MYLK4: variants seen among roughly 807,000 people sequenced by gnomAD.
MYLK4 encodes myosin light chain kinase family member 4.
MYLK4 carries 46 observed loss-of-function variants against 48.1 expected under a neutral mutation model. The observed-to-expected ratio is 0.96, with a 90% CI of 0.75 to 1.22. MYLK4 has a LOEUF of 1.22. MYLK4 is among the 50% of genes most tolerant of loss of function. The pLI, the probability that MYLK4 is intolerant of heterozygous loss-of-function variation, is 0.00. For missense variants in MYLK4, 451 were observed against 486.1 expected, an observed-to-expected ratio of 0.93 and a Z score of 0.68; for synonymous variants, 170 against 180.8, an observed-to-expected ratio of 0.94 and a Z score of 0.48.
At chr6:2,744,230 A>G in intron 2 of MYLK4, 1 of 386,054 alleles carries the variant, frequency 2.6e-6, no homozygotes, top group Non-Finnish European at 4.6e-6. Context: ...CTGCCTCTTT[A>G]AAAGGAAAAA....
chr6:2,696,581 C>T (rs982157297), intron 2 of MYLK4, among the ~76,000 whole-genome samples: 7 of 152,220 alleles, frequency 4.6e-5, no homozygotes, highest in Admixed American at 1.3e-4. Flanking sequence ...TGGGACTTCT[C>T]AGCCCCCAGA....
At chr6:2,763,826 C>T in the MYLK4 span, among the ~76,000 whole-genome samples, 15 of 151,014 alleles carry the variant, frequency 9.9e-5, no homozygotes, top group East Asian at 2.1e-3. Context: ...ATGCTGTCAC[C>T]TCTCACTGCT....
At chr6:2,683,616 A>G (rs1177311496) in intron 6 of MYLK4, among the ~76,000 whole-genome samples, 3 of 152,002 alleles carry the variant, frequency 2.0e-5, no homozygotes, top group Non-Finnish European at 4.4e-5. Flanking sequence ...GATGGGTTTC[A>G]CTGTGTTGGC....
At chr6:2,717,161 T>G (rs1274402272) in intron 2 of MYLK4, among the ~76,000 whole-genome samples, 1 of 152,166 alleles carries the variant, frequency 6.6e-6, no homozygotes, top group Non-Finnish European at 1.5e-5. Flanking sequence ...AGGAACGTCT[T>G]GAGGAAATGA....
chr6:2,666,256 T>C lies in MYLK4; in HGVS notation c.*1669A>G, dbSNP rs2113060203. On this transcript the variant is annotated 3_prime_UTR_variant, in exon 13 of 13. Coordinates refer to ENST00000274643, the MANE Select transcript of MYLK4 (RefSeq NM_001012418.5). ...ATAATGGGGGAAAGCTGATGCAAAGTGAAACTGCCATCCCTCATGAGGCCA... is the reference window on the plus strand; with the variant it reads ...ATAATGGGGGAAAGCTGATGCAAAGCGAAACTGCCATCCCTCATGAGGCCA... 1 of 152,294 alleles carries C rather than the reference T, an allele frequency of 6.6e-6. No homozygotes were observed. Among genetic ancestry groups the C allele is most frequent in the Middle Eastern group, 3.4e-3 (1 of 294 alleles). 9.4% of individuals were successfully genotyped at this position (152,294 alleles called of 1,614,324 possible). A position where few individuals can be genotyped will look rare whatever the true frequency, so the allele number is the denominator to read the frequency against.
intron 2 of MYLK4, among the ~76,000 whole-genome samples, chr6:2,732,101 G>A (rs961374603): frequency 5.3e-5 from 8 of 152,230 alleles, no homozygotes; most frequent in African/African-American, 9.6e-5. Context: ...CCTCTAAGAC[G>A]TATGCTGGCC....
At chr6:2,692,395 T>C (rs1761835418) in intron 3 of MYLK4, among the ~76,000 whole-genome samples, 1 of 152,188 alleles carries the variant, frequency 6.6e-6, no homozygotes, top group South Asian at 2.1e-4. Flanking sequence ...CTTTTCTTTC[T>C]CAGAGGAGAG....
At chr6:2,730,955 C>T (rs1763457687) in intron 2 of MYLK4, among the ~76,000 whole-genome samples, 1 of 151,996 alleles carries the variant, frequency 6.6e-6, no homozygotes, top group African/African-American at 2.4e-5. Context: ...TGGTTGTGGT[C>T]CAAAAATATC....
At chr6:2,670,635 A>G (rs1055418157) in intron 12 of MYLK4, among the ~76,000 whole-genome samples, 7 of 152,166 alleles carry the variant, frequency 4.6e-5, no homozygotes, top group East Asian at 3.9e-4. Context: ...GAAGGTATTC[A>G]TGTGTAAACC....
At chr6:2,714,014 G>A (rs921560709) in intron 2 of MYLK4, among the ~76,000 whole-genome samples, 1 of 152,216 alleles carries the variant, frequency 6.6e-6, no homozygotes, top group African/African-American at 2.4e-5. Context: ...TGGCAAGGAT[G>A]TGGAAAAATG....
chr6:2,704,213 T>G (rs1320367246), intron 2 of MYLK4, among the ~76,000 whole-genome samples: 1 of 152,192 alleles, frequency 6.6e-6, no homozygotes, highest in Non-Finnish European at 1.5e-5. Flanking sequence ...ACTGATCATC[T>G]CAACCACCTG....
At chr6:2,764,809 T>A in the MYLK4 span, among the ~76,000 whole-genome samples, 4 of 152,144 alleles carry the variant, frequency 2.6e-5, no homozygotes, top group Non-Finnish European at 5.9e-5. Context: ...CCAACACATC[T>A]AAAAGGGGGC....
Position 2,685,618 on chromosome 6 carries a change from C to T in MYLK4, c.342-42G>A, listed in dbSNP as rs1761506517. On this transcript the variant is annotated intron_variant, in intron 4 of 12. Coordinates refer to ENST00000274643, the MANE Select transcript of MYLK4 (RefSeq NM_001012418.5). The surrounding 1 kb of genome is among the most constrained non-coding windows in gnomAD (Gnocchi z 4.5). ...GCGGCGTAGCATGAGGCCCTGTGGTCAGCTGCCGAGTGGACAGCGCACAGT... is the reference window on the plus strand; with the variant it reads ...GCGGCGTAGCATGAGGCCCTGTGGTTAGCTGCCGAGTGGACAGCGCACAGT... The T allele has an allele frequency of 3.8e-6, 6 of 1,593,290 alleles. No individual in the cohort carries two copies. The highest frequency in any genetic ancestry group is 3.3e-4 in the Middle Eastern group (2 of 5,984).
At chr6:2,717,387 C>A (rs1762906027) in intron 2 of MYLK4, among the ~76,000 whole-genome samples, 2 of 152,218 alleles carry the variant, frequency 1.3e-5, no homozygotes, top group African/African-American at 4.8e-5. Flanking sequence ...CCAGAGCAGA[C>A]ATGCAGAATG....
the MYLK4 span, chr6:2,765,411 C>A: frequency 1.8e-5 from 8 of 448,388 alleles, no homozygotes; most frequent in African/African-American, 1.5e-4. Flanking sequence ...CGACACGCCG[C>A]GTGAGGCGCT....
chr6:2,720,143 G>A (rs56005084), intron 2 of MYLK4, among the ~76,000 whole-genome samples: 3,101 of 150,596 alleles, frequency 0.021, 88 homozygotes, highest in African/African-American at 0.072. Context: ...GGTGGCTCAC[G>A]CCTATAATCC....
Position 2,685,720 on chromosome 6 carries a change from T to C in MYLK4, c.342-144A>G. ...CTTTCAGTAAACTTCTAGAGCAGTA[T>C]TTGTCAACATGTGGTGTGTGGATCA... On this transcript the variant is annotated intron_variant, in intron 4 of 12. Coordinates refer to ENST00000274643, the MANE Select transcript of MYLK4 (RefSeq NM_001012418.5). The surrounding 1 kb of genome is among the most constrained non-coding windows in gnomAD (Gnocchi z 4.5). 1 of 666,288 alleles carries C rather than the reference T, an allele frequency of 1.5e-6. No individual in the cohort carries two copies. Among genetic ancestry groups the C allele is most frequent in the Non-Finnish European group, 2.6e-6 (1 of 387,210 alleles). 41.3% of individuals were successfully genotyped at this position (666,288 alleles called of 1,614,324 possible). A position where few individuals can be genotyped will look rare whatever the true frequency, so the allele number is the denominator to read the frequency against.
intron 2 of MYLK4, among the ~76,000 whole-genome samples, chr6:2,696,668 C>T (rs1222417466): frequency 1.3e-5 from 2 of 152,228 alleles, no homozygotes; most frequent in Admixed American, 1.3e-4. Context: ...GCTAAGACAC[C>T]ATTCTTTTAA....
At chr6:2,712,190 G>C (rs1762698242) in intron 2 of MYLK4, among the ~76,000 whole-genome samples, 1 of 152,194 alleles carries the variant, frequency 6.6e-6, no homozygotes, top group Non-Finnish European at 1.5e-5. Flanking sequence ...ATGTTCCGGG[G>C]CTCATGTTCA....
Sources: gnomAD v4.1 joint callset for allele counts (sites outside exome capture counted in the v4.1 genomes callset) on GRCh38, gnomAD v4.1.1 for gene constraint, Gnocchi (gnomAD v3.1) non-coding constraint, MANE v1.5 for transcripts, NCBI Gene and HGNC (gene_info 2026-07-23, HGNC 2026-07-21) for gene names.